The following MAP3K10 variants were observed in gnomAD, a reference collection of about 807,000 sequenced individuals.
The protein encoded by MAP3K10 is mitogen-activated protein kinase kinase kinase 10, also known as MKN28 derived nonreceptor_type serine/threonine kinase.
A neutral mutation model predicts 75.0 loss-of-function variants in MAP3K10; 22 were observed. The ratio of observed to expected loss-of-function variants is 0.29; its 90% CI spans 0.21 to 0.42. MAP3K10 has a LOEUF of 0.42. MAP3K10 is among the 10% of genes least tolerant of loss of function. MAP3K10 has a pLI of 1.00. For missense variants in MAP3K10, 1,165 were observed against 1,379.8 expected (o/e 0.84, Z 2.47); for synonymous variants, 599 against 612.9 (o/e 0.98, Z 0.34).
intron 2 of MAP3K10, among the ~76,000 whole-genome samples, chr19:40,202,185 C>T (rs1214522998): frequency 6.6e-6 from 1 of 152,130 alleles, no homozygotes; most frequent in Non-Finnish European, 1.5e-5. Flanking sequence ...GGACTACAGG[C>T]GCCCGCCACC....
At chr19:40,209,002 T>C in intron 5 of MAP3K10, 101 bp from the exon 6 acceptor site, 1 of 814,432 alleles carries the variant, frequency 1.2e-6, no homozygotes, top group Non-Finnish European at 2.1e-6. Context: ...AAAATGGCGG[T>C]GTTCCCATTC....
chr19:40,192,820 G>A lies in MAP3K10; in HGVS notation c.682+107G>A. ...CACCAGATGACACTGTGCCTGGAGT[G>A]AGAAGGGGCAGCAGTATGATACCTT... On this transcript the variant is annotated intron_variant, in intron 1 of 9. Coordinates refer to ENST00000253055, the MANE Select transcript of MAP3K10 (RefSeq NM_002446.4). The surrounding 1 kb of genome is among the most constrained non-coding windows in gnomAD (Gnocchi z 7.1). 2 of 888,016 alleles carry A rather than the reference G, an allele frequency of 2.3e-6. No individual in the cohort carries two copies. Among genetic ancestry groups the A allele is most frequent in the Non-Finnish European group, 3.3e-6 (2 of 606,394 alleles). The allele number at this position is 888,016 out of a possible 1,614,324, so 55.0% of individuals were successfully genotyped here. A position where few individuals can be genotyped will look rare whatever the true frequency, so the allele number is the denominator to read the frequency against.
At chr19:40,208,448 G>A (rs963443986) in intron 5 of MAP3K10, among the ~76,000 whole-genome samples, 7 of 144,826 alleles carry the variant, frequency 4.8e-5, no homozygotes, top group East Asian at 2.1e-4. Context: ...CGCCTGCCTC[G>A]GCCTCCCAAA....
intron 2 of MAP3K10, among the ~76,000 whole-genome samples, chr19:40,202,041 C>A (rs1031669458): frequency 2.6e-5 from 4 of 151,436 alleles, no homozygotes; most frequent in Non-Finnish European, 5.9e-5. Flanking sequence ...AAAATGGCAC[C>A]CCTTCTTTTT....
At chr19:40,211,786 C>T (rs186835831) in intron 6 of MAP3K10, among the ~76,000 whole-genome samples, 395 of 152,178 alleles carry the variant, frequency 2.6e-3, no homozygotes, top group Non-Finnish European at 4.4e-3. Context: ...TGCAATGGTG[C>T]GATCTCAACT....
Position 40,214,019 on chromosome 19 carries a change from G to T in MAP3K10, c.2340G>T (p.Pro780=). The T allele has an allele frequency of 2.4e-6, 1 of 410,470 alleles. No homozygotes were observed. The highest frequency in any genetic ancestry group is 3.7e-6 in the Non-Finnish European group (1 of 271,672). The allele number at this position is 410,470 out of a possible 1,614,324, so 25.4% of individuals were successfully genotyped here. The part of the protein sequence containing the change: ...APAAPSPPPS[P]PAPTPTPSPS... ...CCGCGCCCTCCCCACCACCCTCCCCGCCCGCGCCCACACCCACGCCCTCGC... is the reference window on the plus strand; with the variant it reads ...CCGCGCCCTCCCCACCACCCTCCCCTCCCGCGCCCACACCCACGCCCTCGC... The change falls in exon 9 of 10, where the codon CCG becomes CCT. Residue 780 remains proline, a synonymous_variant. Coordinates refer to ENST00000253055, the MANE Select transcript of MAP3K10 (RefSeq NM_002446.4).
In MAP3K10 at chr19:40,209,158, A is replaced by T. The variant is rs765539050; in HGVS notation, c.1491A>T (p.Gly497=). ...QASPTLDKRK[G]SDGASPPASP... ...CTCCAACTCTGGATAAGCGGAAAGG[A>T]TCCGATGGGGCCAGCCCCCCTGCAA... Residue 497 remains glycine (G), a synonymous_variant, in exon 6 of 10, where the codon GGA becomes GGT. Transcript: ENST00000253055. 2 of 1,614,228 alleles carry T rather than the reference A, an allele frequency of 1.2e-6. No individual in the cohort carries two copies. Among genetic ancestry groups the T allele is most frequent in the South Asian group, 2.2e-5 (2 of 91,090 alleles).
chr19:40,193,710 G>A (rs146957575), intron 1 of MAP3K10, among the ~76,000 whole-genome samples: 127 of 151,988 alleles, frequency 8.4e-4, no homozygotes, highest in African/African-American at 2.3e-3. Context: ...TCTCCCATTC[G>A]TGCTGTGCCC....
intron 5 of MAP3K10, among the ~76,000 whole-genome samples, chr19:40,206,924 C>A (rs1253539500): frequency 6.6e-6 from 1 of 152,100 alleles, no homozygotes; most frequent in Non-Finnish European, 1.5e-5. Flanking sequence ...ATGGTGAAAT[C>A]CCGCCTCTAC....
In MAP3K10 at chr19:40,206,332, G is replaced by A. The variant is rs369914983; in HGVS notation, c.1435+175G>A. On this transcript the variant is annotated intron_variant, in intron 5 of 9. Coordinates refer to ENST00000253055, the MANE Select transcript of MAP3K10 (RefSeq NM_002446.4). ...CTTGTAGTCCCAGCCTACTCAGGAG[G>A]CCAAGGTGGGAGGATCACTTGAGGC... 1.9e-5 allele frequency: 12 copies of A among 643,318 alleles called. No individual in the cohort carries two copies. The East Asian group carries it at 3.0e-4, about 16-fold the overall frequency. The allele number at this position is 643,318 out of a possible 1,614,324, so 39.9% of individuals were successfully genotyped here. A position where few individuals can be genotyped will look rare whatever the true frequency, so the allele number is the denominator to read the frequency against.
Position 40,205,943 on chromosome 19 carries a change from G to A in MAP3K10, c.1221G>A (p.Arg407=), listed in dbSNP as rs753088988. The A allele has an allele frequency of 1.3e-6, 2 of 1,594,206 alleles. No individual in the cohort carries two copies. Among genetic ancestry groups the A allele is most frequent in the Middle Eastern group, 3.3e-4 (2 of 6,002 alleles). ...GGAGCCGTGAGGAGGAGCTGCTGCG[G>A]GCGGCACAGGAGCAGCGCTTCCAGG... is the stretch of plus-strand genomic sequence containing the variant. ...ELRSREEELL[R]AAQEQRFQEE... is the part of the protein sequence containing the mutation. The change falls in exon 5 of 10, where the codon CGG becomes CGA. Residue 407 remains arginine (R), a synonymous_variant. Transcript: ENST00000253055. The surrounding 1 kb of genome is among the most constrained non-coding windows in gnomAD (Gnocchi z 4.3).
rs367847300 is a variant in MAP3K10 at position 40,205,923 on chromosome 19, C to T, written c.1201C>T (p.Arg401Cys). Reference sequence around the variant, plus strand: ...CTCTCCTTCCCAGGAGCTTCGGAGCCGTGAGGAGGAGCTGCTGCGGGCGGC... The same window carrying T: ...CTCTCCTTCCCAGGAGCTTCGGAGCTGTGAGGAGGAGCTGCTGCGGGCGGC... ...LRTKEKELRS[R>C]EEELLRAAQE... Residue 401 changes from arginine to cysteine, a missense_variant, in exon 5 of 10, where the codon CGT becomes TGT. By Grantham distance (180) the Arg-to-Cys change is radical (BLOSUM62 -3). Coordinates refer to ENST00000253055, the MANE Select transcript of MAP3K10 (RefSeq NM_002446.4). The surrounding 1 kb of genome is among the most constrained non-coding windows in gnomAD (Gnocchi z 4.3). 6.4e-7 allele frequency: 1 copy of T among 1,570,248 alleles called. No individual in the cohort carries two copies. The highest frequency in any genetic ancestry group is 8.7e-7 in the Non-Finnish European group (1 of 1,156,066).
chr19:40,209,192 A>T lies in MAP3K10; in HGVS notation c.1525A>T (p.Ile509Phe). 6.2e-7 allele frequency: 1 copy of T among 1,614,184 alleles called. No homozygotes were observed. Among genetic ancestry groups the T allele is most frequent in the South Asian group, 1.1e-5 (1 of 91,084 alleles). ...GGCCAGCCCCCCTGCAAGCCCCAGC[A>T]TCATCCCCCGGCTGAGGGCCATTCG... ...DGASPPASPS[I>F]IPRLRAIRLT... The change falls in exon 6 of 10, where the codon ATC (isoleucine) becomes TTC (phenylalanine). Residue 509 changes from isoleucine to phenylalanine, a missense_variant. Physicochemically the swap from Ile to Phe is conservative, Grantham distance 21 (BLOSUM62 0). Transcript: ENST00000253055.
intron 2 of MAP3K10, among the ~76,000 whole-genome samples, chr19:40,202,664 AAGAC>A (rs1395755571): frequency 5.3e-5 from 8 of 152,222 alleles, no homozygotes; most frequent in Non-Finnish European, 1.2e-4. Context: ...AAATTTTTAA[AAGAC>A]AGGCTCTCAC....
At chr19:40,197,665 T>C (rs1393038516) in intron 1 of MAP3K10, among the ~76,000 whole-genome samples, 1 of 152,046 alleles carries the variant, frequency 6.6e-6, no homozygotes, top group Non-Finnish European at 1.5e-5. Context: ...CAAAGTCTCA[T>C]GGCAGAGTGT....
chr19:40,210,376 C>G (rs1450908218), intron 6 of MAP3K10, among the ~76,000 whole-genome samples: 2 of 152,124 alleles, frequency 1.3e-5, no homozygotes, highest in African/African-American at 2.4e-5. Flanking sequence ...GCCAGAGGTG[C>G]GGGAAAGCCG....
intron 2 of MAP3K10, among the ~76,000 whole-genome samples, chr19:40,199,096 G>A (rs1972970606): frequency 1.3e-5 from 2 of 151,966 alleles, no homozygotes; most frequent in South Asian, 2.1e-4. Flanking sequence ...AAAAAGCATA[G>A]AGACAGCACA....
chr19:40,192,709 C>T lies in MAP3K10; in HGVS notation c.678C>T (p.Ile226=). The T allele has an allele frequency of 6.5e-7, 1 of 1,539,274 alleles. No individual in the cohort carries two copies. The highest frequency in any genetic ancestry group is 8.8e-7 in the Non-Finnish European group (1 of 1,142,160). ...VPIIHRDLKS[I]NILILEAIEN... is the part of the protein sequence containing the mutation. ...TCATCCACCGGGACCTCAAGTCCAT[C>T]AACAGTAAGTGGTGTCCTCTCCCCA... Residue 226 remains isoleucine, a synonymous_variant, in exon 1 of 10, where the codon ATC becomes ATT. Transcript: ENST00000253055. The surrounding 1 kb of genome is among the most constrained non-coding windows in gnomAD (Gnocchi z 7.1).
In MAP3K10 at chr19:40,215,423, G is replaced by A. The variant is rs930971679; in HGVS notation, c.*131G>A. 9 of 838,906 alleles carry A rather than the reference G, an allele frequency of 1.1e-5. No individual in the cohort carries two copies. Among genetic ancestry groups the A allele is most frequent in the African/African-American group, 6.9e-5 (4 of 58,128 alleles). The allele number at this position is 838,906 out of a possible 1,614,324, so 52.0% of individuals were successfully genotyped here. On this transcript the variant is annotated 3_prime_UTR_variant, in exon 10 of 10. Transcript: ENST00000253055. ...CTCTATTTATTGGGGAAGGAGGGAGGGGGGGGACACTTAACTTATTCCTTT... is the reference window on the plus strand; with the variant it reads ...CTCTATTTATTGGGGAAGGAGGGAGAGGGGGGACACTTAACTTATTCCTTT...
Sources: allele counts gnomAD v4.1 joint callset (sites outside exome capture counted in the v4.1 genomes callset), GRCh38; gene constraint gnomAD v4.1.1; non-coding constraint Gnocchi (gnomAD v3.1); transcripts MANE v1.5; gene names NCBI Gene and HGNC (gene_info 2026-07-23, HGNC 2026-07-21).